LARGE1: variants seen among roughly 807,000 people sequenced by gnomAD.
LARGE1 encodes the protein LARGE xylosyl- and glucuronyltransferase 1.
LARGE1 carries 43 observed loss-of-function variants against 87.6 expected under a neutral mutation model. The ratio of observed to expected loss-of-function variants is 0.49; its 90% confidence interval spans 0.38 to 0.63. The LOEUF is 0.63. LARGE1 is among the 30% of genes least tolerant of loss of function. The probability of loss-of-function intolerance (pLI) is 0.00; values close to 1 mark genes in which losing one functional copy is unlikely to be tolerated. For synonymous variants in LARGE1, 434 were observed against 394.6 expected (o/e 1.10, Z -1.18); for missense variants, 802 against 1,000.2 (o/e 0.80, Z 2.67).
chr22:33,474,056 A>G (rs2148135395), intron 6 of LARGE1, among the ~76,000 whole-genome samples: 1 of 152,372 alleles, frequency 6.6e-6, no homozygotes. Flanking sequence ...ACAGGATCAC[A>G]TATTTCACAG....
At chr22:33,767,193 A>T (rs2084934202) in intron 1 of LARGE1, among the ~76,000 whole-genome samples, 1 of 150,796 alleles carries the variant, frequency 6.6e-6, no homozygotes, top group Non-Finnish European at 1.5e-5. Flanking sequence ...GTGGTGGTGC[A>T]TGCCTGTAAT....
At chr22:33,862,139 G>A (rs2063945605) in intron 1 of LARGE1, among the ~76,000 whole-genome samples, 1 of 152,102 alleles carries the variant, frequency 6.6e-6, no homozygotes, top group South Asian at 2.1e-4. Context: ...GGGATTACAG[G>A]CATGAGCCAC....
intron 3 of LARGE1, among the ~76,000 whole-genome samples, chr22:33,627,155 T>C (rs373378566): frequency 1.3e-5 from 2 of 152,234 alleles, no homozygotes; most frequent in South Asian, 2.1e-4. Flanking sequence ...GTGACAAATA[T>C]ACTCATCTGT....
chr22:33,869,258 A>G (rs1219438651), intron 1 of LARGE1, among the ~76,000 whole-genome samples: 1 of 151,672 alleles, frequency 6.6e-6, no homozygotes, highest in Non-Finnish European at 1.5e-5. Context: ...CTGCAGGCCT[A>G]CTCACCTTCC....
intron 1 of LARGE1, among the ~76,000 whole-genome samples, chr22:33,874,240 G>A (rs1359593594): frequency 2.0e-5 from 3 of 152,146 alleles, no homozygotes; most frequent in Non-Finnish European, 4.4e-5. Flanking sequence ...CAGCAGGCCA[G>A]GACCACAGGC....
the LARGE1 span, among the ~76,000 whole-genome samples, chr22:33,120,408 TTCCTTCTTTCTTTCTTTC>T: frequency 0.018 from 1,553 of 88,408 alleles, 17 homozygotes; most frequent in South Asian, 0.034. Flanking sequence ...CTTTCTTTCT[TTCCTTCTTTCTTTCTTTC>T]TCTCTCTCTC....
chr22:33,210,815 G>A (rs1924924357), intron 11 of LARGE1, among the ~76,000 whole-genome samples: 1 of 152,250 alleles, frequency 6.6e-6, no homozygotes, highest in African/African-American at 2.4e-5. Context: ...TATGCTCTGG[G>A]CCTCACACCA....
intron 10 of LARGE1, among the ~76,000 whole-genome samples, chr22:33,332,354 T>C (rs1937833379): frequency 6.6e-6 from 1 of 152,160 alleles, no homozygotes; most frequent in Admixed American, 6.5e-5. Context: ...GTGTAAGACG[T>C]CCCTTGCTCT....
intron 11 of LARGE1, among the ~76,000 whole-genome samples, chr22:33,221,169 A>AAG (rs112355451): frequency 0.039 from 5,849 of 148,952 alleles, 344 homozygotes; most frequent in African/African-American, 0.13. Flanking sequence ...CGTTGTTAAA[A>AAG]AGAGAGAGAG....
intron 11 of LARGE1, among the ~76,000 whole-genome samples, chr22:33,198,685 A>C (rs1924215648): frequency 6.7e-6 from 1 of 149,996 alleles, no homozygotes; most frequent in Non-Finnish European, 1.5e-5. Flanking sequence ...ACGTATCTAA[A>C]ATACTATACT....
At chr22:33,748,024 C>CAAAAAAAAAAAAAAAAAAA (rs535230421) in intron 2 of LARGE1, among the ~76,000 whole-genome samples, 2 of 21,736 alleles carry the variant, frequency 9.2e-5, no homozygotes, top group Non-Finnish European at 1.2e-4. Flanking sequence ...TCTGCTGGAG[C>CAAAAAAAAAAAAAAAAAAA]AAAAAAAAAA....
intron 10 of LARGE1, among the ~76,000 whole-genome samples, chr22:33,335,629 T>C (rs2146542845): frequency 6.6e-6 from 1 of 152,306 alleles, no homozygotes; most frequent in Non-Finnish European, 1.5e-5. Context: ...TACAACCTCC[T>C]ACCAATCTGG....
the LARGE1 span, among the ~76,000 whole-genome samples, chr22:33,142,372 G>T: frequency 3.9e-5 from 6 of 152,048 alleles, no homozygotes; most frequent in Non-Finnish European, 5.9e-5. Flanking sequence ...TAAATTTCTC[G>T]TGGGTCTATT....
chr22:33,911,992 A>C (rs1321853490), intron 1 of LARGE1, among the ~76,000 whole-genome samples: 2 of 152,220 alleles, frequency 1.3e-5, no homozygotes, highest in Non-Finnish European at 2.9e-5. Flanking sequence ...CAAATCATTC[A>C]GTGTGGACAC....
intron 1 of LARGE1, among the ~76,000 whole-genome samples, chr22:33,787,826 G>C (rs1004024399): frequency 5.3e-5 from 8 of 152,222 alleles, no homozygotes; most frequent in South Asian, 2.1e-4. Flanking sequence ...CTTTTGGCTA[G>C]TAGCAGCATC....
chr22:33,774,717 T>C (rs1266799874), intron 1 of LARGE1, among the ~76,000 whole-genome samples: 1 of 152,230 alleles, frequency 6.6e-6, no homozygotes, highest in Admixed American at 6.5e-5. Context: ...CATGTTAACA[T>C]GTAATCAATA....
rs1034694534 is a variant in LARGE1, at chr22:33,693,187, G to A, written c.107-42519C>T. ...CACACGTTTTCACTTACAAGTGAGA[G>A]CTAAACTACGGTTCGCAAAGGCAGA... is the stretch of plus-strand genomic sequence containing the variant. On this transcript the variant is annotated intron_variant, in intron 2 of 14. Coordinates refer to ENST00000397394, the MANE Select transcript of LARGE1 (RefSeq NM_133642.5). Among the ~76,000 whole-genome samples the A allele has an allele frequency of 2.6e-5, 4 of 152,172 alleles. No individual in the cohort carries two copies. In the South Asian group the frequency reaches 8.3e-4, roughly 31 times the overall value.
intron 2 of LARGE1, among the ~76,000 whole-genome samples, chr22:33,701,316 G>A (rs1445753457): frequency 6.6e-6 from 1 of 152,200 alleles, no homozygotes; most frequent in African/African-American, 2.4e-5. Context: ...TAAAGCAAAG[G>A]TGGAATGTGG....
At chr22:33,535,852 T>G (rs575689323) in intron 6 of LARGE1, among the ~76,000 whole-genome samples, 1 of 152,202 alleles carries the variant, frequency 6.6e-6, no homozygotes, top group Non-Finnish European at 1.5e-5. Flanking sequence ...TCCTGAAATT[T>G]GCCGGCAACC....
Sources: gnomAD v4.1 joint callset for allele counts (sites outside exome capture counted in the v4.1 genomes callset) on GRCh38, gnomAD v4.1.1 for gene constraint, MANE v1.5 for transcripts, NCBI Gene and HGNC (gene_info 2026-07-23, HGNC 2026-07-21) for gene names.